Variants in FKBP9 observed in about 807,000 individuals in gnomAD.
The protein encoded by FKBP9 is FKBP prolyl isomerase 9.
A neutral mutation model predicts 55.6 loss-of-function variants in FKBP9; 27 were observed. The observed-to-expected ratio is 0.49, with a 90% confidence interval of 0.36 to 0.67. The LOEUF (loss-of-function observed/expected upper bound fraction) is 0.67. Ranked by LOEUF, FKBP9 falls within the 30% of genes least tolerant of loss-of-function variation. The probability of loss-of-function intolerance (pLI) is 0.00; values close to 1 mark genes in which losing one functional copy is unlikely to be tolerated. For missense variants in FKBP9, 539 were observed against 742.8 expected (o/e 0.73, Z 3.19); for synonymous variants, 267 against 296.5 (o/e 0.90, Z 1.02).
chr7:33,001,979 T>C (rs1022362964), intron 8 of FKBP9: 2 of 152,242 alleles, frequency 1.3e-5, no homozygotes, highest in African/African-American at 4.8e-5. Context: ...CAAATTTGCT[T>C]GTCCTGTTTG....
Position 32,976,281 on chromosome 7 carries a change from A to G in FKBP9, c.558-73A>G, listed in dbSNP as rs955248084. 3.8e-6 allele frequency: 6 copies of G among 1,594,630 alleles called. 1 individual carries two copies. Among genetic ancestry groups the G allele is most frequent in the Middle Eastern group, 3.7e-4 (2 of 5,392 alleles). On this transcript the variant is annotated intron_variant, in intron 3 of 9. Coordinates refer to ENST00000242209, the MANE Select transcript of FKBP9 (RefSeq NM_007270.5). ...TCGTTTAGCTGATATTTGGGTAAGA[A>G]AAACCGTACGGAGAGATGAGTTGGA...
At chr7:32,980,151 A>G (rs1026045728) in intron 4 of FKBP9, among the ~76,000 whole-genome samples, 2 of 151,786 alleles carry the variant, frequency 1.3e-5, no homozygotes, top group African/African-American at 4.8e-5. Context: ...TGTCATTAAT[A>G]CCAATTTTCT....
At chr7:32,966,089 AG>A (rs1273689443) in intron 1 of FKBP9, among the ~76,000 whole-genome samples, 1 of 144,560 alleles carries the variant, frequency 6.9e-6, no homozygotes, top group African/African-American at 2.6e-5. Context: ...GCTTCTAGGG[AG>A]GCTGAGGCAG....
Position 32,996,269 on chromosome 7 carries a change from C to T in FKBP9, c.1146C>T (p.Cys382=), listed in dbSNP as rs2127988067. 4 of 1,614,062 alleles carry T rather than the reference C, an allele frequency of 2.5e-6. No homozygotes were observed. Among genetic ancestry groups the T allele is most frequent in the Non-Finnish European group, 2.5e-6 (3 of 1,179,902 alleles). The change falls in exon 7 of 10, where the codon TGC becomes TGT. Residue 382 remains cysteine (C), a synonymous_variant. Coordinates refer to ENST00000242209, the MANE Select transcript of FKBP9 (RefSeq NM_007270.5). ...CCTCCCACTACAAACCCCCTGACTG[C>T]TCAGTGCTGAGTAAGAAGGGAGATT... ...SITSHYKPPD[C]SVLSKKGDYL...
At chr7:32,976,801 G>A (rs868695361) in intron 4 of FKBP9, among the ~76,000 whole-genome samples, 1 of 152,200 alleles carries the variant, frequency 6.6e-6, no homozygotes, top group African/African-American at 2.4e-5. Context: ...GACAGTGCTA[G>A]TCTGGATTGT....
Position 32,957,694 on chromosome 7 carries a change from C to T in FKBP9, c.121C>T (p.Arg41Cys). The T allele has an allele frequency of 6.5e-7, 1 of 1,535,260 alleles. No homozygotes were observed. The highest frequency in any genetic ancestry group is 8.7e-7 in the Non-Finnish European group (1 of 1,150,400). The part of the protein sequence containing the change: ...GSDAELQIER[R>C]FVPDECPRTV... ...CGACGCGGAGCTGCAGATCGAGCGG[C>T]GCTTCGTGCCCGACGAGTGCCCGCG... The change falls in exon 1 of 10, where the codon CGC (arginine) becomes TGC (cysteine). Residue 41 changes from arginine (R) to cysteine (C), a missense_variant. Arg to Cys is a radical substitution (Grantham distance 180). Around this residue, in one of 4 missense-constraint regions of FKBP9, gnomAD observed 236 missense variants for 271.5 expected, o/e 0.87. Transcript: ENST00000242209.
chr7:32,996,168 A>G lies in FKBP9; in HGVS notation c.1045A>G (p.Ile349Val), dbSNP rs201937514. 1.8e-5 allele frequency: 29 copies of G among 1,613,958 alleles called. 1 individual carries two copies. The highest frequency in any genetic ancestry group is 2.1e-5 in the Non-Finnish European group (25 of 1,179,986). Residue 349 changes from isoleucine (I) to valine (V), a missense_variant, in exon 7 of 10, where the codon ATC (isoleucine) becomes GTC (valine). Transcript: ENST00000242209. ...TCCCCGTGTCTGTCCTTTAGGGAAT[A>G]TCCCCGGCTCGGCTGTGCTGGTGTT... ...LGYGEEGRGN[I>V]PGSAVLVFDI...
intron 9 of FKBP9, among the ~76,000 whole-genome samples, chr7:33,004,627 C>T (rs1308061940): frequency 5.9e-5 from 9 of 152,200 alleles, no homozygotes; most frequent in African/African-American, 2.2e-4. Context: ...CCTTACTGAG[C>T]TCCGCTTTTT....
At chr7:33,004,436 A>C (rs542319348) in intron 9 of FKBP9, among the ~76,000 whole-genome samples, 11 of 152,180 alleles carry the variant, frequency 7.2e-5, no homozygotes, top group African/African-American at 2.7e-4. Context: ...GTCTGTGACC[A>C]CCCAGGCATG....
At chr7:32,996,047 T>G (rs962264325) in intron 6 of FKBP9, 116 bp from the exon 7 acceptor site, 62 of 780,276 alleles carry the variant, frequency 7.9e-5, no homozygotes, top group Non-Finnish European at 1.2e-4. Context: ...GTTCTGTATC[T>G]GGGTGCCCGT....
At chr7:32,971,782 C>A (rs1307479528) in intron 1 of FKBP9, among the ~76,000 whole-genome samples, 1 of 152,142 alleles carries the variant, frequency 6.6e-6, no homozygotes, top group African/African-American at 2.4e-5. Context: ...GCTTTTTTCC[C>A]TCCTCATGTT....
intron 5 of FKBP9, among the ~76,000 whole-genome samples, chr7:32,988,133 A>G (rs1179835666): frequency 1.3e-5 from 2 of 152,124 alleles, no homozygotes; most frequent in African/African-American, 4.8e-5. Flanking sequence ...TGAGCTGTCT[A>G]TGATGGTGCC....
At chr7:32,985,037 T>C (rs1277081030) in intron 5 of FKBP9, among the ~76,000 whole-genome samples, 4 of 152,156 alleles carry the variant, frequency 2.6e-5, no homozygotes, top group Admixed American at 1.3e-4. Flanking sequence ...AGCTTTTTTT[T>C]CTACTAAGTG....
intron 4 of FKBP9, among the ~76,000 whole-genome samples, chr7:32,977,056 C>T (rs1784376004): frequency 6.6e-6 from 1 of 152,216 alleles, no homozygotes; most frequent in African/African-American, 2.4e-5. Context: ...TGAGTTTTAC[C>T]TATGGCATTA....
At chr7:32,963,233 G>A (rs1432659327) in intron 1 of FKBP9, among the ~76,000 whole-genome samples, 2 of 151,984 alleles carry the variant, frequency 1.3e-5, no homozygotes, top group Non-Finnish European at 2.9e-5. Flanking sequence ...ACAGTGAGAG[G>A]CTCCAATATT....
At chr7:32,960,160 T>G (rs1783992272) in intron 1 of FKBP9, among the ~76,000 whole-genome samples, 1 of 141,834 alleles carries the variant, frequency 7.1e-6, no homozygotes, top group Non-Finnish European at 1.5e-5. Flanking sequence ...TCACCCAGGC[T>G]GGAGTGCAAT....
At chr7:32,972,724 C>T (rs896644745) in intron 1 of FKBP9, among the ~76,000 whole-genome samples, 25 of 152,060 alleles carry the variant, frequency 1.6e-4, no homozygotes, top group Non-Finnish European at 8.8e-5. Flanking sequence ...CTGTTCCCCC[C>T]CCACCCTTTT....
Position 32,957,744 on chromosome 7 carries a change from G to T in FKBP9, c.171G>T (p.Val57=). The part of the protein sequence containing the change: ...CPRTVRSGDF[V]RYHYVGTFPD... ...GCACCGTGCGCAGCGGCGACTTCGT[G>T]CGCTACCACTACGTGGGGACGTTCC... Residue 57 remains valine, a synonymous_variant, in exon 1 of 10, where the codon GTG becomes GTT. Transcript: ENST00000242209. 6.6e-7 allele frequency: 1 copy of T among 1,518,728 alleles called. No homozygotes were observed. 94.1% of individuals were successfully genotyped at this position (1,518,728 alleles called of 1,614,324 possible).
chr7:32,993,918 C>T (rs1784733507), intron 6 of FKBP9, among the ~76,000 whole-genome samples: 1 of 151,974 alleles, frequency 6.6e-6, no homozygotes, highest in South Asian at 2.1e-4. Context: ...TTGATCAGTT[C>T]GTCTGGTGAT....
Sources: gnomAD v4.1 joint callset for allele counts (sites outside exome capture counted in the v4.1 genomes callset) on GRCh38, gnomAD v4.1.1 for gene constraint, gnomAD v4.1.1 regional missense constraint, MANE v1.5 for transcripts, NCBI Gene and HGNC (gene_info 2026-07-23, HGNC 2026-07-21) for gene names.